Variants in SRCAP observed in about 807,000 individuals in gnomAD.
The protein encoded by SRCAP is chromatin remodeling protein SRCAP.
Under a neutral mutation model 263.1 loss-of-function variants are expected in SRCAP, and 46 were observed. The observed-to-expected ratio is 0.17, with a 90% CI of 0.14 to 0.22. The LOEUF is 0.22. Ranked by LOEUF, SRCAP falls within the 10% of genes least tolerant of loss-of-function variation. The pLI is 1.00. For synonymous variants in SRCAP, 1,813 were observed against 1,662.1 expected (o/e 1.09, Z -2.21); for missense variants, 3,695 against 4,181.9 (o/e 0.88, Z 3.21).
chr16:30,719,006 C>T (rs1031433708), intron 18 of SRCAP, among the ~76,000 whole-genome samples: 3 of 150,498 alleles, frequency 2.0e-5, no homozygotes, highest in African/African-American at 4.9e-5. Context: ...AAGCGATTCT[C>T]GATTCTTGTG....
chr16:30,724,141 C>T lies in SRCAP; in HGVS notation c.4717C>T (p.Leu1573=). The T allele has an allele frequency of 6.2e-7, 1 of 1,614,130 alleles. No homozygotes were observed. Among genetic ancestry groups the T allele is most frequent in the Non-Finnish European group, 8.5e-7 (1 of 1,180,036 alleles). ...PNPAPAQASL[L]APASSASQAL... is the part of the protein sequence containing the mutation. ...TCCAGCTCCAGCTCAGGCTTCCCTT[C>T]TGGCTCCAGCATCTTCTGCATCTCA... Residue 1573 remains leucine, a synonymous_variant, in exon 25 of 34, where the codon CTG becomes TTG. Coordinates refer to ENST00000262518, the MANE Select transcript of SRCAP (RefSeq NM_006662.3).
chr16:30,721,248 T>C lies in SRCAP; in HGVS notation c.3313T>C (p.Ser1105Pro). 2 of 1,614,018 alleles carry C rather than the reference T, an allele frequency of 1.2e-6. No individual in the cohort carries two copies. Residue 1105 changes from serine to proline, a missense_variant, in exon 21 of 34, where the codon TCC becomes CCC. Coordinates refer to ENST00000262518, the MANE Select transcript of SRCAP (RefSeq NM_006662.3). Reference protein sequence around the residue: ...GTSRPPTPTLSLKPTPPAPVR... With the variant: ...GTSRPPTPTLPLKPTPPAPVR... ...CTCACGGCCTCCCACGCCAACCTTG[T>C]CCCTAAAGCCAACACCACCTGCCCC...
intron 31 of SRCAP, among the ~76,000 whole-genome samples, chr16:30,735,092 T>G (rs916643995): frequency 3.3e-5 from 5 of 152,158 alleles, no homozygotes; most frequent in African/African-American, 1.2e-4. Flanking sequence ...GTGATTTTAT[T>G]ATGTGTAAGT....
At position 30,720,973 on chromosome 16, in the gene SRCAP, C is replaced by G. The variant is rs1288652197; in HGVS notation, c.3248C>G (p.Pro1083Arg). 1 of 1,600,522 alleles carries G rather than the reference C, an allele frequency of 6.2e-7. No homozygotes were observed. Among genetic ancestry groups the G allele is most frequent in the Admixed American group, 1.7e-5 (1 of 58,352 alleles). Residue 1083 changes from proline to arginine, a missense_variant, in exon 20 of 34, where the codon CCC (proline) becomes CGC (arginine). Transcript: ENST00000262518. The part of the protein sequence containing the change: ...PPLQPNSGSL[P>R]QVLPSPLGVL... ...CTGCAGCCCAACAGTGGTTCTCTCC[C>G]CCAGGGTGAGTTGAAAGGGAGCCAA...
At position 30,713,302 on chromosome 16, in the gene SRCAP, A is replaced by G; in HGVS notation, c.2225A>G (p.Tyr742Cys). 6.2e-7 allele frequency: 1 copy of G among 1,614,152 alleles called. No homozygotes were observed. The highest frequency in any genetic ancestry group is 8.5e-7 in the Non-Finnish European group (1 of 1,180,024). ...GCCTTCCGTCGCAAGAACTGGCGCTATCTCATTCTGGATGAGGCGCAGAAC... is the reference window on the plus strand; with the variant it reads ...GCCTTCCGTCGCAAGAACTGGCGCTGTCTCATTCTGGATGAGGCGCAGAAC... ...HQAFRRKNWR[Y>C]LILDEAQNIK... is the part of the protein sequence containing the mutation. The change falls in exon 15 of 34, where the codon TAT (tyrosine) becomes TGT (cysteine). Residue 742 changes from tyrosine to cysteine, a missense_variant. Physicochemically the swap from Tyr to Cys is radical, Grantham distance 194 (BLOSUM62 -2). Coordinates refer to ENST00000262518, the MANE Select transcript of SRCAP (RefSeq NM_006662.3).
intron 27 of SRCAP, among the ~76,000 whole-genome samples, chr16:30,729,804 A>T (rs1330354789): frequency 6.6e-6 from 1 of 152,146 alleles, no homozygotes; most frequent in African/African-American, 2.4e-5. Context: ...AGTCTCGCTC[A>T]GTCGCCCAGG....
intron 18 of SRCAP, among the ~76,000 whole-genome samples, chr16:30,717,733 C>T (rs906592238): frequency 3.3e-5 from 5 of 151,292 alleles, no homozygotes; most frequent in African/African-American, 9.7e-5. Flanking sequence ...CACAGCCTCC[C>T]GAGTAGCTGG....
At chr16:30,720,415 A>T in intron 19 of SRCAP, 84 bp downstream of exon 19, 1 of 1,466,538 alleles carries the variant, frequency 6.8e-7, no homozygotes, top group East Asian at 2.3e-5. Flanking sequence ...GGAAGAAAAG[A>T]GTTGGATGCA....
chr16:30,710,188 TCTGAGTTCCGGGC>T (rs2052872356), intron 8 of SRCAP, 60 bp downstream of exon 8: 1 of 1,551,616 alleles, frequency 6.4e-7, no homozygotes, highest in Non-Finnish European at 8.7e-7. Flanking sequence ...AGGTTCAGGG[TCTGAGTTCCGGGC>T]TGTGAGGTTG....
At chr16:30,715,246 A>T (rs752934089) in intron 16 of SRCAP, among the ~76,000 whole-genome samples, 2 of 152,180 alleles carry the variant, frequency 1.3e-5, no homozygotes, top group Non-Finnish European at 2.9e-5. Flanking sequence ...TTGGTCAATC[A>T]CTATCATTCG....
In SRCAP at chr16:30,725,020, T is replaced by G. The variant is rs2053050325; in HGVS notation, c.5596T>G (p.Ser1866Ala). 1.2e-6 allele frequency: 2 copies of G among 1,613,238 alleles called. No homozygotes were observed. Among genetic ancestry groups the G allele is most frequent in the South Asian group, 2.2e-5 (2 of 91,074 alleles). The change falls in exon 25 of 34, where the codon TCG becomes GCG. Residue 1866 changes from serine (S) to alanine (A), a missense_variant. By Grantham distance (99) the Ser-to-Ala change is moderately conservative. Coordinates refer to ENST00000262518, the MANE Select transcript of SRCAP (RefSeq NM_006662.3). ...GPPSPPSTATSFGGPRPRRQP... is the reference protein window; with the variant it reads ...GPPSPPSTATAFGGPRPRRQP... Reference sequence around the variant, plus strand: ...CCCCAGCCCTCCCTCCACTGCTACCTCGTTTGGTGGCCCCCGGCCTCGACG... The same window carrying G: ...CCCCAGCCCTCCCTCCACTGCTACCGCGTTTGGTGGCCCCCGGCCTCGACG...
intron 24 of SRCAP, 51 bp from the exon 25 acceptor site, chr16:30,723,533 G>C (rs1209344538): frequency 6.4e-7 from 1 of 1,567,540 alleles, no homozygotes; most frequent in East Asian, 2.2e-5. Flanking sequence ...ACAGGGAGTA[G>C]AAAGGCTCAG....
intron 18 of SRCAP, among the ~76,000 whole-genome samples, chr16:30,719,456 C>A (rs1313205776): frequency 6.6e-6 from 1 of 151,738 alleles, no homozygotes; most frequent in Non-Finnish European, 1.5e-5. Flanking sequence ...ACCTCGTGAT[C>A]CACCCGCCTC....
rs772208062 is a variant in SRCAP, at chr16:30,720,859, T to C, written c.3134T>C (p.Leu1045Pro). The change falls in exon 20 of 34, where the codon CTG (leucine) becomes CCG (proline). Residue 1045 changes from leucine to proline, a missense_variant. Leu to Pro is a moderately conservative substitution (Grantham distance 98). This residue lies in a region of SRCAP where 1,347 missense variants were observed against 1,304.4 expected (regional missense o/e 1.03). Coordinates refer to ENST00000262518, the MANE Select transcript of SRCAP (RefSeq NM_006662.3). ...QPTPGPVPQVLPASLMVSASP... is the reference protein window; with the variant it reads ...QPTPGPVPQVPPASLMVSASP... ...ACCCCTGGCCCAGTCCCCCAAGTGC[T>C]GCCAGCATCACTGATGGTTTCAGCC... The C allele has an allele frequency of 3.1e-6, 5 of 1,614,046 alleles. No homozygotes were observed. Among genetic ancestry groups the C allele is most frequent in the Non-Finnish European group, 4.2e-6 (5 of 1,179,992 alleles).
In SRCAP at chr16:30,733,080, C is replaced by T. The variant is rs1005165477; in HGVS notation, c.6128-200C>T. Among the ~76,000 whole-genome samples the T allele has an allele frequency of 3.3e-5, 5 of 152,222 alleles. No individual in the cohort carries two copies. In the South Asian group the frequency reaches 1.0e-3, roughly 31 times the overall value. ...TGAACTCCCGACTTAAAGTGATCCA[C>T]CTGCCTCAGCTTCTCAGAGTGCAGG... On this transcript the variant is annotated intron_variant, in intron 27 of 33. Coordinates refer to ENST00000262518, the MANE Select transcript of SRCAP (RefSeq NM_006662.3). The surrounding 1 kb of genome is among the most constrained non-coding windows in gnomAD (Gnocchi z 5.3).
rs184556240 is a variant in SRCAP at position 30,712,894 on chromosome 16, T to C, written c.2130+79T>C. 59 of 1,517,334 alleles carry C rather than the reference T, an allele frequency of 3.9e-5. No individual in the cohort carries two copies. In the African/African-American group the frequency reaches 5.2e-4, roughly 13 times the overall value. The allele number at this position is 1,517,334 out of a possible 1,614,324, so 94.0% of individuals were successfully genotyped here. ...AGCCCTTTCCTCAGGTGAATTCCTTTCTCTCCTCTTTCTTTTTTAAAAAAA... is the reference window on the plus strand; with the variant it reads ...AGCCCTTTCCTCAGGTGAATTCCTTCCTCTCCTCTTTCTTTTTTAAAAAAA... On this transcript the variant is annotated intron_variant, in intron 14 of 33. Transcript: ENST00000262518.
rs1222211201 is a variant in SRCAP, at chr16:30,737,949, C to T, written c.7909C>T (p.Pro2637Ser). 6.2e-7 allele frequency: 1 copy of T among 1,614,184 alleles called. No individual in the cohort carries two copies. The highest frequency in any genetic ancestry group is 8.5e-7 in the Non-Finnish European group (1 of 1,180,040). Residue 2637 changes from proline to serine, a missense_variant, in exon 34 of 34, where the codon CCT becomes TCT. Pro to Ser is a moderately conservative substitution (Grantham distance 74, BLOSUM62 -1). Coordinates refer to ENST00000262518, the MANE Select transcript of SRCAP (RefSeq NM_006662.3). ...SAEGTTLTVL[P>S]EGEELPLCVS... ...TGAGGGGACCACCCTTACAGTGCTG[C>T]CTGAAGGTGAGGAGTTGCCCCTGTG...
chr16:30,715,015 C>A (rs1330295951), intron 16 of SRCAP, among the ~76,000 whole-genome samples: 2 of 151,948 alleles, frequency 1.3e-5, no homozygotes, highest in Non-Finnish European at 2.9e-5. Flanking sequence ...TTTTTGTCTT[C>A]TCAGTCTGCA....
rs371709504 is a variant in SRCAP at position 30,716,383 on chromosome 16, C to T, written c.2721C>T (p.Phe907=). The part of the protein sequence containing the change: ...LRKVCNHPNL[F]DPRPVTSPFI... ...AAGTTTGCAATCATCCAAATCTGTT[C>T]GACCCTCGACCGGTTACCTCCCCTT... The change falls in exon 18 of 34, where the codon TTC becomes TTT. Residue 907 remains phenylalanine (F), a synonymous_variant. Transcript: ENST00000262518. 14 of 1,614,148 alleles carry T rather than the reference C, an allele frequency of 8.7e-6. No homozygotes were observed. The highest frequency in any genetic ancestry group is 3.3e-5 in the Admixed American group (2 of 60,010).
Sources: allele counts gnomAD v4.1 joint callset (sites outside exome capture counted in the v4.1 genomes callset), GRCh38; gene constraint gnomAD v4.1.1; regional missense constraint gnomAD v4.1.1; non-coding constraint Gnocchi (gnomAD v3.1); transcripts MANE v1.5; gene names NCBI Gene and HGNC (gene_info 2026-07-23, HGNC 2026-07-21).